Variants in CRHBP observed in about 807,000 individuals in gnomAD.
CRHBP encodes corticotropin-releasing hormone-binding protein.
A neutral mutation model predicts 34.9 loss-of-function variants in CRHBP; 19 were observed. That is an observed-to-expected ratio of 0.55 (90% CI 0.38 to 0.80). CRHBP has a LOEUF of 0.80. CRHBP is among the 30% of genes least tolerant of loss of function. The pLI, the probability that CRHBP is intolerant of heterozygous loss-of-function variation, is 0.00. For synonymous variants in CRHBP, 154 were observed against 153.4 expected, an observed-to-expected ratio of 1.00 and a Z score of -0.03; for missense variants, 328 against 409.2, an observed-to-expected ratio of 0.80 and a Z score of 1.71.
chr5:76,966,534 T>G (rs1045138177), intron 6 of CRHBP, among the ~76,000 whole-genome samples: 1 of 151,992 alleles, frequency 6.6e-6, no homozygotes, highest in Admixed American at 6.6e-5. Flanking sequence ...GGAGATGCGG[T>G]TTTTCCTTTT....
intron 1 of CRHBP, 112 bp downstream of exon 1, chr5:76,953,327 G>A (rs1745601863): frequency 9.9e-7 from 1 of 1,013,674 alleles, no homozygotes; most frequent in South Asian, 1.4e-5. Context: ...TTCCCTCTCT[G>A]CTGGATGCTG....
In CRHBP at chr5:76,968,709, T is replaced by A; in HGVS notation, c.812-19T>A. The A allele has an allele frequency of 6.3e-7, 1 of 1,586,070 alleles. No homozygotes were observed. Among genetic ancestry groups the A allele is most frequent in the Non-Finnish European group, 8.6e-7 (1 of 1,163,220 alleles). On this transcript the variant is annotated intron_variant, in intron 6 of 6. Transcript: ENST00000274368. ...TTTCTAACCTGCTGGGAAACTTTTA[T>A]CTTTTCCATCCATTATAGCCCAGAT...
rs1273151346 is a variant in CRHBP at position 76,955,768 on chromosome 5, T to A, written c.449T>A (p.Ile150Asn). 3 of 1,614,060 alleles carry A rather than the reference T, an allele frequency of 1.9e-6. No individual in the cohort carries two copies. The highest frequency in any genetic ancestry group is 2.5e-6 in the Non-Finnish European group (3 of 1,180,042). ...FCESGLSRRS[I>N]RSSQNVAMIF... is the part of the protein sequence containing the mutation. The stretch of plus-strand genomic sequence containing the variant: ...GAGAGTGGTCTTAGCAGGAGGAGCA[T>A]CAGATCTTCCCAGAATGTGGCCATG... The change falls in exon 4 of 7, where the codon ATC becomes AAC. Residue 150 changes from isoleucine (I) to asparagine (N), a missense_variant. This residue lies in a region of CRHBP where 173 missense variants were observed against 172.2 expected (regional missense o/e 1.00). Coordinates refer to ENST00000274368, the MANE Select transcript of CRHBP (RefSeq NM_001882.4).
intron 3 of CRHBP, among the ~76,000 whole-genome samples, chr5:76,980,274 A>AG (rs1746100721): frequency 1.4e-5 from 2 of 148,042 alleles, no homozygotes; most frequent in Non-Finnish European, 3.0e-5. Flanking sequence ...AAAAAAAAAA[A>AG]AAAGAAAGCA....
At chr5:76,976,771 A>G (rs1459731287) in intron 3 of CRHBP, among the ~76,000 whole-genome samples, 1 of 152,214 alleles carries the variant, frequency 6.6e-6, no homozygotes, top group Non-Finnish European at 1.5e-5. Context: ...AATGTTTTCT[A>G]TTTCAAGGAA....
At position 76,954,206 on chromosome 5, in the gene CRHBP, C is replaced by T. The variant is rs372720988; in HGVS notation, c.333+20C>T. 3 of 1,607,236 alleles carry T rather than the reference C, an allele frequency of 1.9e-6. No homozygotes were observed. The highest frequency in any genetic ancestry group is 2.6e-6 in the Non-Finnish European group (3 of 1,176,444). On this transcript the variant is annotated intron_variant, in intron 3 of 6. Transcript: ENST00000274368. ...CTGAAGGTGAGGCGCCCACGGCCAG[C>T]CAACCTAGCCGGAGGGCGGCACGGG...
At chr5:76,959,480 G>A (rs145395986) in intron 5 of CRHBP, among the ~76,000 whole-genome samples, 530 of 152,266 alleles carry the variant, frequency 3.5e-3, no homozygotes, top group Non-Finnish European at 5.7e-3. Flanking sequence ...ACTTCTGTAT[G>A]GACCTTAAAA....
At chr5:76,954,553 G>A (rs7721799) in intron 3 of CRHBP, among the ~76,000 whole-genome samples, 10,309 of 152,202 alleles carry the variant, frequency 0.068, 446 homozygotes, top group East Asian at 0.19. Context: ...AACCCAACAA[G>A]CTCGAGTGCT....
downstream of CRHBP, among the ~76,000 whole-genome samples, chr5:76,972,719 T>C (rs1303514952): frequency 6.6e-6 from 1 of 152,228 alleles, no homozygotes; most frequent in Non-Finnish European, 1.5e-5. Context: ...GATCTGCCTA[T>C]GATACTGGAC....
chr5:76,954,227 A>G, intron 3 of CRHBP, 41 bp downstream of exon 3: 1 of 1,598,892 alleles, frequency 6.3e-7, no homozygotes, highest in South Asian at 1.1e-5. Context: ...GGAGGGCGGC[A>G]CGGGAGGGTT....
chr5:76,962,039 C>T (rs1745786375), intron 5 of CRHBP, among the ~76,000 whole-genome samples: 1 of 152,142 alleles, frequency 6.6e-6, no homozygotes, highest in South Asian at 2.1e-4. Context: ...CAGGCGTGAG[C>T]CACCATGCTG....
chr5:76,978,694 G>A (rs1488341885), intron 3 of CRHBP, among the ~76,000 whole-genome samples: 1 of 152,174 alleles, frequency 6.6e-6, no homozygotes, highest in Non-Finnish European at 1.5e-5. Flanking sequence ...AAAACTTTAA[G>A]GGATGAGGAG....
chr5:76,979,102 G>T (rs1041637736), intron 3 of CRHBP, among the ~76,000 whole-genome samples: 1 of 152,216 alleles, frequency 6.6e-6, no homozygotes, highest in Non-Finnish European at 1.5e-5. Context: ...ACTCGCTGAA[G>T]GATGGGATGA....
At chr5:76,970,422 C>A (rs1300598334), downstream of CRHBP, among the ~76,000 whole-genome samples, 6 of 151,082 alleles carry the variant, frequency 4.0e-5, no homozygotes, top group African/African-American at 9.7e-5. Context: ...AAAAAAAAAA[C>A]CCAACTAATT....
Position 76,968,718 on chromosome 5 carries a change from T to C in CRHBP, c.812-10T>C. On this transcript the variant is annotated splice_polypyrimidine_tract_variant and intron_variant, in intron 6 of 6. Transcript: ENST00000274368. ...TGCTGGGAAACTTTTATCTTTTCCA[T>C]CCATTATAGCCCAGATGAAAGTTGG... is the stretch of plus-strand genomic sequence containing the variant. The C allele has an allele frequency of 6.3e-7, 1 of 1,596,194 alleles. No homozygotes were observed. Among genetic ancestry groups the C allele is most frequent in the Non-Finnish European group, 8.6e-7 (1 of 1,168,570 alleles).
chr5:76,961,084 A>G (rs776564431), intron 5 of CRHBP, among the ~76,000 whole-genome samples: 1 of 152,134 alleles, frequency 6.6e-6, no homozygotes, highest in Non-Finnish European at 1.5e-5. Flanking sequence ...TTTTTGGTAC[A>G]TTATTGTGGG....
At chr5:76,954,319 C>A in intron 3 of CRHBP, 133 bp downstream of exon 3, 1 of 1,129,610 alleles carries the variant, frequency 8.9e-7, no homozygotes, top group Non-Finnish European at 1.2e-6. Context: ...TTCGCTGGTG[C>A]CCGAGTCGGA....
Position 76,954,045 on chromosome 5 carries a change from G to A in CRHBP, c.192G>A (p.Leu64=), listed in dbSNP as rs1269886849. The change falls in exon 3 of 7, where the codon CTG becomes CTA. Residue 64 remains leucine (L), a synonymous_variant. Transcript: ENST00000274368. ...YRRALRCLDM[L]SLQGQFTFTA... is the part of the protein sequence containing the mutation. ...CTCCCCCAGGGTGCCTGGACATGCTGAGCCTCCAGGGCCAGTTCACCTTCA... is the reference window on the plus strand; with the variant it reads ...CTCCCCCAGGGTGCCTGGACATGCTAAGCCTCCAGGGCCAGTTCACCTTCA... 1 of 1,613,636 alleles carries A rather than the reference G, an allele frequency of 6.2e-7. No individual in the cohort carries two copies. Among genetic ancestry groups the A allele is most frequent in the South Asian group, 1.1e-5 (1 of 91,054 alleles).
chr5:76,975,835 T>C (rs1322509556), intron 2 of CRHBP, among the ~76,000 whole-genome samples: 1 of 89,644 alleles, frequency 1.1e-5, no homozygotes, highest in African/African-American at 6.5e-5. Context: ...AATATATATA[T>C]ATATATATAT....
Sources: gnomAD v4.1 joint callset for allele counts (sites outside exome capture counted in the v4.1 genomes callset) on GRCh38, gnomAD v4.1.1 for gene constraint, gnomAD v4.1.1 regional missense constraint, MANE v1.5 for transcripts, NCBI Gene and HGNC (gene_info 2026-07-23, HGNC 2026-07-21) for gene names.